IPO8: variants seen among roughly 807,000 people sequenced by gnomAD.
IPO8 encodes the protein importin 8, also known as importin-8.
A neutral mutation model predicts 141.2 loss-of-function variants in IPO8; 65 were observed. The ratio of observed to expected loss-of-function variants is 0.46; its 90% CI spans 0.38 to 0.57. IPO8 has a LOEUF of 0.57. Ranked by LOEUF, IPO8 falls within the 20% of genes least tolerant of loss-of-function variation. The pLI is 0.00. For missense variants in IPO8, 980 were observed against 1,246.8 expected (o/e 0.79, Z 3.22); for synonymous variants, 411 against 420.3 (o/e 0.98, Z 0.27).
In IPO8 at chr12:30,630,749, G is replaced by A. The variant is rs1009750478; in HGVS notation, c.*111C>T. 7.8e-6 allele frequency: 6 copies of A among 770,120 alleles called. No individual in the cohort carries two copies. Among genetic ancestry groups the A allele is most frequent in the Admixed American group, 6.9e-5 (3 of 43,276 alleles). 47.7% of individuals were successfully genotyped at this position (770,120 alleles called of 1,614,324 possible). Reference sequence around the variant, plus strand: ...GCTGCCTAATGCCAGATGGTAACTGGCACAGCAGGAGGGCCCTAAAAGCAG... The same window carrying A: ...GCTGCCTAATGCCAGATGGTAACTGACACAGCAGGAGGGCCCTAAAAGCAG... On this transcript the variant is annotated 3_prime_UTR_variant, in exon 25 of 25. Transcript: ENST00000256079.
In IPO8 at chr12:30,649,131, T is replaced by C. The variant is rs61748363; in HGVS notation, c.2268+6A>G. 17,076 of 1,596,638 alleles carry C rather than the reference T, an allele frequency of 0.011. 109 individuals carry two copies. Among genetic ancestry groups the C allele is most frequent in the Non-Finnish European group, 0.013 (15,544 of 1,164,512 alleles). ...TCAAGTAAGGCACTTTCCAGACATA[T>C]ATTACCTGATCAATTCCCCTTCCTT... On this transcript the variant is annotated splice_donor_region_variant and intron_variant, in intron 20 of 24. Coordinates refer to ENST00000256079, the MANE Select transcript of IPO8 (RefSeq NM_006390.4).
At chr12:30,672,811 T>C (rs1451229932) in intron 8 of IPO8, among the ~76,000 whole-genome samples, 1 of 152,208 alleles carries the variant, frequency 6.6e-6, no homozygotes, top group African/African-American at 2.4e-5. Context: ...TTCAACTATA[T>C]AACTACAACT....
rs117246608 is a variant in IPO8, at chr12:30,672,378, A to G, written c.910-1282T>C. On this transcript the variant is annotated intron_variant, in intron 8 of 24. Coordinates refer to ENST00000256079, the MANE Select transcript of IPO8 (RefSeq NM_006390.4). ...AAGCTAGAAATGGATGATACTGAAC[A>G]TGATTCTTTCTAATACAGATGTGGC... is the stretch of plus-strand genomic sequence containing the variant. Among the ~76,000 whole-genome samples the G allele has an allele frequency of 1.8e-3, 269 of 152,294 alleles. 5 individuals are homozygous for G. The East Asian group carries it at 0.043, about 24-fold the overall frequency.
At chr12:30,666,942 T>C (rs10843812) in intron 10 of IPO8, among the ~76,000 whole-genome samples, 83,115 of 151,982 alleles carry the variant, frequency 0.55, 23,345 homozygotes, top group African/African-American at 0.67. Context: ...CAGCAGGTTT[T>C]GTTGAATATA....
rs868641020 is a variant in IPO8, at chr12:30,657,962, G to A, written c.1882-1212C>T. 2.6e-5 allele frequency among the ~76,000 whole-genome samples: 4 copies of A among 152,212 alleles called. No individual in the cohort carries two copies. In the South Asian group the frequency reaches 8.3e-4, roughly 32 times the overall value. ...AGGAGAATTAGATAGCTGGGGAGTT[G>A]AGTGAGAAGGTAAAATTTCACTGAA... On this transcript the variant is annotated intron_variant, in intron 16 of 24. Transcript: ENST00000256079.
intron 2 of IPO8, chr12:30,688,848 C>T (rs2053266262): frequency 6.6e-6 from 1 of 152,572 alleles, no homozygotes; most frequent in Admixed American, 6.6e-5. Context: ...CCAAGCATTT[C>T]CCCTTGTTAT....
intron 6 of IPO8, among the ~76,000 whole-genome samples, chr12:30,675,705 G>A (rs986837735): frequency 4.0e-5 from 6 of 151,074 alleles, no homozygotes; most frequent in Non-Finnish European, 1.5e-5. Context: ...TTAGCCGGGC[G>A]TGGTGGCGAG....
At position 30,630,299 on chromosome 12, in the gene IPO8, G is replaced by A. The variant is rs2052412508; in HGVS notation, c.*561C>T. On this transcript the variant is annotated 3_prime_UTR_variant, in exon 25 of 25. Coordinates refer to ENST00000256079, the MANE Select transcript of IPO8 (RefSeq NM_006390.4). ...AACCCCTGAAAAAAGCCCCCCAGCAGCAGGGTGAGCAGAGGGAGCCGTGAA... is the reference window on the plus strand; with the variant it reads ...AACCCCTGAAAAAAGCCCCCCAGCAACAGGGTGAGCAGAGGGAGCCGTGAA... The A allele has an allele frequency of 6.6e-6, 1 of 152,220 alleles. No homozygotes were observed. Among genetic ancestry groups the A allele is most frequent in the African/African-American group, 2.4e-5 (1 of 41,432 alleles). 9.4% of individuals were successfully genotyped at this position (152,220 alleles called of 1,614,324 possible). A position where few individuals can be genotyped will look rare whatever the true frequency, so the allele number is the denominator to read the frequency against.
At chr12:30,653,378 T>C (rs1324724779) in intron 17 of IPO8, among the ~76,000 whole-genome samples, 1 of 152,076 alleles carries the variant, frequency 6.6e-6, no homozygotes, top group Non-Finnish European at 1.5e-5. Flanking sequence ...TTATAATCTA[T>C]ATTTATAAAA....
intron 20 of IPO8, among the ~76,000 whole-genome samples, chr12:30,645,726 A>G (rs2052636185): frequency 6.6e-6 from 1 of 152,198 alleles, no homozygotes; most frequent in Non-Finnish European, 1.5e-5. Context: ...AAATACTATG[A>G]ACCACATGCA....
chr12:30,663,653 G>T lies in IPO8; in HGVS notation c.1430C>A (p.Ser477Tyr). The T allele has an allele frequency of 1.3e-6, 2 of 1,599,600 alleles. No homozygotes were observed. The highest frequency in any genetic ancestry group is 2.3e-5 in the South Asian group (2 of 88,598). The change falls in exon 14 of 25, where the codon TCT (serine) becomes TAT (tyrosine). Residue 477 changes from serine (S) to tyrosine (Y), a missense_variant and splice_region_variant. Ser to Tyr is a moderately radical substitution (Grantham distance 144, BLOSUM62 -2). This residue lies in a region of IPO8 where 924 missense variants were observed against 1,153.9 expected (regional missense o/e 0.80). Coordinates refer to ENST00000256079, the MANE Select transcript of IPO8 (RefSeq NM_006390.4). ...ACTAAATGCATGAAGTACCCAGCAA[G>T]ACTGTATTATTAAAAAAGGTAAGTA... Reference protein sequence around the residue: ...LSNLGYLRARSCWVLHAFSSL... With the variant: ...LSNLGYLRARYCWVLHAFSSL...
chr12:30,643,636 C>G (rs1281965396), intron 20 of IPO8, among the ~76,000 whole-genome samples: 1 of 152,188 alleles, frequency 6.6e-6, no homozygotes, highest in African/African-American at 2.4e-5. Flanking sequence ...TAATGAGCGA[C>G]TTCTCACTAT....
intron 11 of IPO8, 41 bp downstream of exon 11, chr12:30,666,134 G>T (rs1244234101): frequency 8.1e-7 from 1 of 1,240,196 alleles, no homozygotes; most frequent in Non-Finnish European, 1.1e-6. Flanking sequence ...CTCAACACAG[G>T]CCACCTTTCA....
chr12:30,654,197 C>A (rs1213395485), intron 17 of IPO8, among the ~76,000 whole-genome samples: 1 of 151,832 alleles, frequency 6.6e-6, no homozygotes, highest in Non-Finnish European at 1.5e-5. Context: ...ATACAAAAAT[C>A]TACTTGAAAT....
At chr12:30,685,576 T>C (rs1465253477) in intron 2 of IPO8, among the ~76,000 whole-genome samples, 2 of 151,868 alleles carry the variant, frequency 1.3e-5, no homozygotes, top group Non-Finnish European at 2.9e-5. Flanking sequence ...CTTTCTTCCC[T>C]TAAGCTTCTC....
rs188563969 is a variant in IPO8 at position 30,647,345 on chromosome 12, A to G, written c.2268+1792T>C. Among the ~76,000 whole-genome samples the G allele has an allele frequency of 9.8e-5, 15 of 152,320 alleles. No individual in the cohort carries two copies. The East Asian group carries it at 2.7e-3, about 27-fold the overall frequency. On this transcript the variant is annotated intron_variant, in intron 20 of 24. Transcript: ENST00000256079. ...GACCTAAATATAAGAAAAAAACTAT[A>G]AAACTCTTAGAACAAAAGAGGATAA...
At chr12:30,690,404 T>G (rs2053280134) in intron 2 of IPO8, 92 bp downstream of exon 2, 4 of 781,602 alleles carry the variant, frequency 5.1e-6, no homozygotes, top group Non-Finnish European at 6.3e-6. Context: ...TTCTGAATTT[T>G]TCAATAAATT....
chr12:30,637,252 A>G, intron 21 of IPO8, 65 bp from the exon 22 acceptor site: 1 of 1,212,094 alleles, frequency 8.3e-7, no homozygotes, highest in Non-Finnish European at 1.2e-6. Flanking sequence ...AATTCTGGAG[A>G]AACTACAAAA....
Position 30,643,799 on chromosome 12 carries a change from T to C in IPO8, c.2269-4064A>G, listed in dbSNP as rs369582640. On this transcript the variant is annotated intron_variant, in intron 20 of 24. Coordinates refer to ENST00000256079, the MANE Select transcript of IPO8 (RefSeq NM_006390.4). Reference sequence around the variant, plus strand: ...CCACGTTGTGGTACAGCACAGGCCATAGCTTGCCAGCTTCTGGCGTACAGA... The same window carrying C: ...CCACGTTGTGGTACAGCACAGGCCACAGCTTGCCAGCTTCTGGCGTACAGA... Among the ~76,000 whole-genome samples the C allele has an allele frequency of 7.9e-5, 12 of 152,366 alleles. No individual in the cohort carries two copies. The East Asian group carries it at 2.1e-3, about 27-fold the overall frequency.
Sources: allele counts gnomAD v4.1 joint callset (sites outside exome capture counted in the v4.1 genomes callset), GRCh38; gene constraint gnomAD v4.1.1; regional missense constraint gnomAD v4.1.1; transcripts MANE v1.5; gene names NCBI Gene and HGNC (gene_info 2026-07-23, HGNC 2026-07-21).